Variants in NMT1 observed in about 807,000 individuals in gnomAD.
NMT1 encodes glycylpeptide N-tetradecanoyltransferase 1.
Under a neutral mutation model 63.4 loss-of-function variants are expected in NMT1, and 12 were observed. The observed-to-expected ratio is 0.19, with a 90% CI of 0.12 to 0.31. The LOEUF (loss-of-function observed/expected upper bound fraction) is 0.31. NMT1 is among the 10% of genes least tolerant of loss of function. The pLI, the probability that NMT1 is intolerant of heterozygous loss-of-function variation, is 1.00. For synonymous variants in NMT1, 228 were observed against 234.3 expected, an observed-to-expected ratio of 0.97 and a Z score of 0.25; for missense variants, 432 against 634.6, an observed-to-expected ratio of 0.68 and a Z score of 3.43.
rs867687573 is a variant in NMT1 at position 45,103,868 on chromosome 17, G to A, written c.1324G>A (p.Ala442Thr). ...CCTCATGAGCGACGCCCTTGTCCTC[G>A]CCAAAATGGTGAGGAGCAGACGGGG... is the stretch of plus-strand genomic sequence containing the variant. Reference protein sequence around the residue: ...LDLMSDALVLAKMKGFDVFNA... With the variant: ...LDLMSDALVLTKMKGFDVFNA... The change falls in exon 10 of 12, where the codon GCC (alanine) becomes ACC (threonine). Residue 442 changes from alanine to threonine, a missense_variant. Physicochemically the swap from Ala to Thr is moderately conservative, Grantham distance 58. Around this residue, in one of 4 missense-constraint regions of NMT1, gnomAD observed 295 missense variants for 489.7 expected, o/e 0.60. Coordinates refer to ENST00000258960, the MANE Select transcript of NMT1 (RefSeq NM_021079.5). The surrounding 1 kb of genome is among the most constrained non-coding windows in gnomAD (Gnocchi z 4.8). The A allele has an allele frequency of 1.9e-6, 3 of 1,613,684 alleles. No individual in the cohort carries two copies. The highest frequency in any genetic ancestry group is 1.7e-5 in the Admixed American group (1 of 59,996).
At chr17:45,076,983 A>G (rs1363228360) in intron 1 of NMT1, among the ~76,000 whole-genome samples, 4 of 152,242 alleles carry the variant, frequency 2.6e-5, no homozygotes, top group African/African-American at 7.2e-5. Flanking sequence ...TCCTTCCACA[A>G]AAATTGGGTT....
Position 45,104,978 on chromosome 17 carries a change from C to T in NMT1, c.1452C>T (p.Pro484=), listed in dbSNP as rs200139594. The T allele has an allele frequency of 9.7e-5, 156 of 1,614,038 alleles. No individual in the cohort carries two copies. The highest frequency in any genetic ancestry group is 1.2e-4 in the Admixed American group (7 of 60,000). The part of the protein sequence containing the change: ...LQYYLYNWKC[P]SMGAEKVGLV... ...ATTACCTTTACAATTGGAAATGCCC[C>T]AGCATGGGGGCAGAGAAGGTAGGCG... The change falls in exon 11 of 12, where the codon CCC becomes CCT. Residue 484 remains proline, a synonymous_variant. Transcript: ENST00000258960. This position sits in a 1 kb window ranked among gnomAD's most constrained non-coding sequence, Gnocchi z 4.2.
chr17:45,067,348 A>G (rs966267021), intron 1 of NMT1, among the ~76,000 whole-genome samples: 1 of 152,180 alleles, frequency 6.6e-6, no homozygotes, highest in African/African-American at 2.4e-5. Flanking sequence ...CAGTGTCTTC[A>G]GTGTCATTGA....
chr17:45,081,663 G>C lies in NMT1; in HGVS notation c.151G>C (p.Asp51His). 1 of 1,613,398 alleles carries C rather than the reference G, an allele frequency of 6.2e-7. No individual in the cohort carries two copies. Among genetic ancestry groups the C allele is most frequent in the South Asian group, 1.1e-5 (1 of 90,952 alleles). The stretch of plus-strand genomic sequence containing the variant: ...TTACAGTGGTTTGAGTCCAGCCAAT[G>C]ACACTGGAGCCAAAAAGAAGAAAAA... Reference protein sequence around the residue: ...YNRGGLSPANDTGAKKKKKKQ... With the variant: ...YNRGGLSPANHTGAKKKKKKQ... The change falls in exon 2 of 12, where the codon GAC becomes CAC. Residue 51 changes from aspartate to histidine, a missense_variant. Physicochemically the swap from Asp to His is moderately conservative, Grantham distance 81. This residue lies in a region of NMT1 where 121 missense variants were observed against 103.7 expected (regional missense o/e 1.17). Transcript: ENST00000258960.
At position 45,086,613 on chromosome 17, in the gene NMT1, A is replaced by C. The variant is rs1182546534; in HGVS notation, c.346A>C (p.Ser116Arg). The stretch of plus-strand genomic sequence containing the variant: ...AACCATGGAGGAGGCTAGCAAGCGA[A>C]GCTACCAGTTCTGGGATACGCAGCC... ...AKTMEEASKR[S>R]YQFWDTQPVP... Residue 116 changes from serine to arginine, a missense_variant, in exon 3 of 12, where the codon AGC becomes CGC. Physicochemically the swap from Ser to Arg is moderately radical, Grantham distance 110. Around this residue, in one of 4 missense-constraint regions of NMT1, gnomAD observed 295 missense variants for 489.7 expected, o/e 0.60. Transcript: ENST00000258960. The C allele has an allele frequency of 1.9e-6, 3 of 1,613,486 alleles. No individual in the cohort carries two copies. In the South Asian group the frequency reaches 3.3e-5, roughly 18 times the overall value.
intron 8 of NMT1, among the ~76,000 whole-genome samples, chr17:45,100,632 C>CG: frequency 6.8e-6 from 1 of 148,134 alleles, no homozygotes; most frequent in East Asian, 2.0e-4. Context: ...GAGGCCAAGG[C>CG]AGGCGGATCA....
chr17:45,073,229 G>A (rs954665462), intron 1 of NMT1, among the ~76,000 whole-genome samples: 1 of 151,984 alleles, frequency 6.6e-6, no homozygotes, highest in Non-Finnish European at 1.5e-5. Context: ...GACCAGCCTG[G>A]CCAACATGGT....
At chr17:45,091,152 T>C (rs896592499) in intron 3 of NMT1, among the ~76,000 whole-genome samples, 47 of 150,632 alleles carry the variant, frequency 3.1e-4, no homozygotes, top group Admixed American at 2.7e-3. Context: ...CCTTGAGGTC[T>C]TGTCGTTAGA....
chr17:45,086,647 A>G lies in NMT1; in HGVS notation c.380A>G (p.Lys127Arg), dbSNP rs144433221. The stretch of plus-strand genomic sequence containing the variant: ...TTCTGGGATACGCAGCCCGTCCCCA[A>G]GCTGGGTATGTACATGCTTGCTTTC... Reference protein sequence around the residue: ...YQFWDTQPVPKLGEVVNTHGP... With the variant: ...YQFWDTQPVPRLGEVVNTHGP... The change falls in exon 3 of 12, where the codon AAG (lysine) becomes AGG (arginine). Residue 127 changes from lysine to arginine, a missense_variant. Around this residue, in one of 4 missense-constraint regions of NMT1, gnomAD observed 295 missense variants for 489.7 expected, o/e 0.60. Transcript: ENST00000258960. 3.5e-5 allele frequency: 57 copies of G among 1,610,548 alleles called. No homozygotes were observed. In the African/African-American group the frequency reaches 6.6e-4, roughly 19 times the overall value.
intron 2 of NMT1, among the ~76,000 whole-genome samples, chr17:45,082,450 A>G (rs931767599): frequency 5.3e-5 from 8 of 152,020 alleles, no homozygotes; most frequent in African/African-American, 1.9e-4. Flanking sequence ...TATATTTGCA[A>G]ACATTCTCTT....
At chr17:45,062,528 A>T (rs1261768908) in intron 1 of NMT1, among the ~76,000 whole-genome samples, 1 of 152,218 alleles carries the variant, frequency 6.6e-6, no homozygotes, top group Non-Finnish European at 1.5e-5. Flanking sequence ...AGGACTGCGT[A>T]GAAGAGATGG....
chr17:45,105,777 G>A lies in NMT1; in HGVS notation c.*138G>A, dbSNP rs914389525. On this transcript the variant is annotated 3_prime_UTR_variant, in exon 12 of 12. Transcript: ENST00000258960. The surrounding 1 kb of genome is among the most constrained non-coding windows in gnomAD (Gnocchi z 4.2). ...AGAACTGAACCGGCTTTACCAAACC[G>A]CCAGCGAACTTGACAATTGTATTGC... The A allele has an allele frequency of 1.6e-5, 13 of 796,118 alleles. No homozygotes were observed. Among genetic ancestry groups the A allele is most frequent in the Middle Eastern group, 7.2e-4 (2 of 2,790 alleles). 49.3% of individuals were successfully genotyped at this position (796,118 alleles called of 1,614,324 possible).
At position 45,072,596 on chromosome 17, in the gene NMT1, CTT is replaced by C. The variant is rs1185793677; in HGVS notation, c.132-9047_132-9046del. Among the ~76,000 whole-genome samples the C allele has an allele frequency of 5.2e-5, 7 of 133,410 alleles. 1 individual carries two copies. Among genetic ancestry groups the C allele is most frequent in the Middle Eastern group, 6.0e-3 (1 of 168 alleles). The allele number at this position is 133,410 out of a possible 152,430, so 87.5% of individuals were successfully genotyped here. ...TTTTTTTGAGATGGAGTCTCTCTCT[CTT>C]GCCCAGGCTGGAGTGCAGTGGTGCG... On this transcript the variant is annotated intron_variant, in intron 1 of 11. Coordinates refer to ENST00000258960, the MANE Select transcript of NMT1 (RefSeq NM_021079.5).
chr17:45,097,350 A>C, intron 6 of NMT1, 106 bp downstream of exon 6: 1 of 898,604 alleles, frequency 1.1e-6, no homozygotes, highest in Non-Finnish European at 1.9e-6. Flanking sequence ...GGAAGAGGGA[A>C]GGTCTCAGGA....
In NMT1 at chr17:45,103,171, AC is replaced by A. The variant is rs1227177947; in HGVS notation, c.1164+56del. 12 of 1,558,766 alleles carry A rather than the reference AC, an allele frequency of 7.7e-6. No individual in the cohort carries two copies. The highest frequency in any genetic ancestry group is 2.3e-5 in the East Asian group (1 of 43,848). On this transcript the variant is annotated intron_variant, in intron 9 of 11. Coordinates refer to ENST00000258960, the MANE Select transcript of NMT1 (RefSeq NM_021079.5). This position sits in a 1 kb window ranked among gnomAD's most constrained non-coding sequence, Gnocchi z 4.8. ...GTCTCTAACACGTTCCCAGAGAGGC[AC>A]CCCCCTGAGTGGCCGGGTTCCCAGG... is the stretch of plus-strand genomic sequence containing the variant.
At position 45,074,340 on chromosome 17, in the gene NMT1, G is replaced by A. The variant is rs879620927; in HGVS notation, c.132-7304G>A. Among the ~76,000 whole-genome samples the A allele has an allele frequency of 2.6e-5, 4 of 151,376 alleles. No individual in the cohort carries two copies. The South Asian group carries it at 6.2e-4, about 24-fold the overall frequency. On this transcript the variant is annotated intron_variant, in intron 1 of 11. Coordinates refer to ENST00000258960, the MANE Select transcript of NMT1 (RefSeq NM_021079.5). ...CGCCATTCTCCTGCCTCAGCCTCCCGAGTAGCTGGGACTACAGGCGCCCAC... is the reference window on the plus strand; with the variant it reads ...CGCCATTCTCCTGCCTCAGCCTCCCAAGTAGCTGGGACTACAGGCGCCCAC...
Position 45,105,459 on chromosome 17 carries a change from G to A in NMT1, c.1471-160G>A, listed in dbSNP as rs1192924528. On this transcript the variant is annotated intron_variant, in intron 11 of 11. Transcript: ENST00000258960. This position sits in a 1 kb window ranked among gnomAD's most constrained non-coding sequence, Gnocchi z 4.2. ...AGGTCTGATGGACGTGTGAACCCTG[G>A]TGTGGAGGTTGAGTGTGGGGCCGGC... Among the ~76,000 whole-genome samples, 1 of 152,150 alleles carries A rather than the reference G, an allele frequency of 6.6e-6. No individual in the cohort carries two copies. Among genetic ancestry groups the A allele is most frequent in the Non-Finnish European group, 1.5e-5 (1 of 68,038 alleles).
Position 45,081,737 on chromosome 17 carries a change from G to A in NMT1, c.225G>A (p.Gln75=). 1 of 1,573,094 alleles carries A rather than the reference G, an allele frequency of 6.4e-7. No individual in the cohort carries two copies. ...AAGGCAGTGAGACAGATTCAGCCCA[G>A]GATCAGCCTGTGAAGGTAACAAGGA... ...KEKGSETDSA[Q]DQPVKMNSLP... is the part of the protein sequence containing the mutation. The change falls in exon 2 of 12, where the codon CAG becomes CAA. Residue 75 remains glutamine, a synonymous_variant. Transcript: ENST00000258960.
chr17:45,090,840 C>T (rs2054082826), intron 3 of NMT1, among the ~76,000 whole-genome samples: 1 of 152,106 alleles, frequency 6.6e-6, no homozygotes, highest in Non-Finnish European at 1.5e-5. Context: ...AGAGAATCAG[C>T]TGCATTCTTG....
Sources: allele counts gnomAD v4.1 joint callset (sites outside exome capture counted in the v4.1 genomes callset), GRCh38; gene constraint gnomAD v4.1.1; regional missense constraint gnomAD v4.1.1; non-coding constraint Gnocchi (gnomAD v3.1); transcripts MANE v1.5; gene names NCBI Gene and HGNC (gene_info 2026-07-23, HGNC 2026-07-21).